TMED3: variants seen among roughly 807,000 people sequenced by gnomAD.
The protein encoded by TMED3 is transmembrane emp24 domain-containing protein 3.
TMED3 carries 9 observed loss-of-function variants against 15.0 expected under a neutral mutation model. That is an observed-to-expected ratio of 0.60 (90% CI 0.36 to 1.04). The LOEUF (loss-of-function observed/expected upper bound fraction) is 1.04, where lower values mean the gene tolerates loss of function less well. Ranked by LOEUF, TMED3 falls within the 50% of genes least tolerant of loss-of-function variation. The pLI is 0.01. For missense variants in TMED3, 267 were observed against 278.9 expected (o/e 0.96, Z 0.30); for synonymous variants, 117 against 121.4 (o/e 0.96, Z 0.24).
chr15:79,330,637 C>G (rs2058804827), intron 2 of TMED3, among the ~76,000 whole-genome samples: 1 of 152,092 alleles, frequency 6.6e-6, no homozygotes, highest in Non-Finnish European at 1.5e-5. Flanking sequence ...AAGGCAATCC[C>G]CATCAAAATA....
At chr15:79,407,833 T>C (rs1400185850) in intron 2 of TMED3, among the ~76,000 whole-genome samples, 1 of 152,166 alleles carries the variant, frequency 6.6e-6, no homozygotes, top group African/African-American at 2.4e-5. Flanking sequence ...TAGTGGTCCA[T>C]TGAGGATTTA....
chr15:79,357,301 A>T (rs2058922999), intron 2 of TMED3, among the ~76,000 whole-genome samples: 1 of 151,480 alleles, frequency 6.6e-6, no homozygotes. Flanking sequence ...CCTGGGCCAC[A>T]TAGTGAGACT....
chr15:79,349,065 T>C (rs2058881750), intron 2 of TMED3, among the ~76,000 whole-genome samples: 1 of 152,172 alleles, frequency 6.6e-6, no homozygotes, highest in South Asian at 2.1e-4. Flanking sequence ...CTCGAACTCC[T>C]GGGCTCAAGT....
intron 2 of TMED3, among the ~76,000 whole-genome samples, chr15:79,364,382 T>C (rs954132970): frequency 6.6e-6 from 1 of 152,032 alleles, no homozygotes; most frequent in East Asian, 1.9e-4. Context: ...GGGGGCTCTT[T>C]CTTTACTGTC....
intron 2 of TMED3, among the ~76,000 whole-genome samples, chr15:79,359,195 A>T (rs1893075412): frequency 6.6e-6 from 1 of 150,672 alleles, no homozygotes; most frequent in South Asian, 2.1e-4. Context: ...TGCATACCAG[A>T]GGAGAGGTAC....
intron 2 of TMED3, among the ~76,000 whole-genome samples, chr15:79,331,976 C>A (rs1284590103): frequency 6.6e-6 from 1 of 152,130 alleles, no homozygotes; most frequent in Non-Finnish European, 1.5e-5. Context: ...TTGCTTGAAC[C>A]TGGGAGACGG....
intron 2 of TMED3, among the ~76,000 whole-genome samples, chr15:79,344,335 A>G (rs1472831120): frequency 6.6e-6 from 1 of 152,246 alleles, no homozygotes; most frequent in Non-Finnish European, 1.5e-5. Flanking sequence ...TTAAAACAAC[A>G]TAATTTTTTC....
At chr15:79,357,502 A>G (rs1447746959) in intron 2 of TMED3, among the ~76,000 whole-genome samples, 1 of 148,670 alleles carries the variant, frequency 6.7e-6, no homozygotes, top group Admixed American at 6.7e-5. Flanking sequence ...ACATTATTAC[A>G]TTATTAATTT....
intron 2 of TMED3, among the ~76,000 whole-genome samples, chr15:79,355,484 AG>A (rs2058915372): frequency 6.6e-6 from 1 of 152,204 alleles, no homozygotes; most frequent in African/African-American, 2.4e-5. Flanking sequence ...GAAGACTTCC[AG>A]AGTCTCAGAA....
intron 2 of TMED3, among the ~76,000 whole-genome samples, chr15:79,331,452 T>C (rs944773672): frequency 1.4e-5 from 2 of 146,626 alleles, no homozygotes; most frequent in African/African-American, 5.1e-5. Context: ...ATGTTAAAAC[T>C]ATTAGAAGAA....
chr15:79,314,447 A>G (rs1349627119), intron 2 of TMED3: 3 of 426,444 alleles, frequency 7.0e-6, no homozygotes, highest in South Asian at 4.9e-5. Flanking sequence ...ATTCTCATGC[A>G]TAATCTAGAA....
At chr15:79,350,346 G>C (rs1460278217) in intron 2 of TMED3, among the ~76,000 whole-genome samples, 2 of 152,144 alleles carry the variant, frequency 1.3e-5, no homozygotes, top group Non-Finnish European at 2.9e-5. Flanking sequence ...CCGTCTGCAA[G>C]CTGAGGAACA....
At chr15:79,397,570 A>G (rs191015060) in intron 2 of TMED3, among the ~76,000 whole-genome samples, 1 of 152,346 alleles carries the variant, frequency 6.6e-6, no homozygotes, top group East Asian at 1.9e-4. Context: ...TGTCTGTTTC[A>G]TGAAGGGTAG....
intron 2 of TMED3, among the ~76,000 whole-genome samples, chr15:79,366,303 C>G (rs1374286789): frequency 6.6e-6 from 1 of 152,248 alleles, no homozygotes; most frequent in East Asian, 1.9e-4. Context: ...GTCAGCTGCT[C>G]TCTTGCTGAT....
intron 2 of TMED3, among the ~76,000 whole-genome samples, chr15:79,349,033 T>C (rs2058881633): frequency 6.6e-6 from 1 of 152,122 alleles, no homozygotes; most frequent in African/African-American, 2.4e-5. Flanking sequence ...AGACAGGGTC[T>C]CCCTATATTG....
At chr15:79,404,682 A>G (rs1193375316) in intron 2 of TMED3, among the ~76,000 whole-genome samples, 3 of 152,156 alleles carry the variant, frequency 2.0e-5, no homozygotes, top group African/African-American at 7.2e-5. Flanking sequence ...AATCAGCCAA[A>G]ACATTTGCCG....
At chr15:79,342,161 A>C (rs141072287) in intron 2 of TMED3, among the ~76,000 whole-genome samples, 9 of 152,356 alleles carry the variant, frequency 5.9e-5, no homozygotes, top group African/African-American at 2.2e-4. Flanking sequence ...AGCAATAAAG[A>C]TAGGATAAAA....
intron 2 of TMED3, among the ~76,000 whole-genome samples, chr15:79,406,534 A>G (rs1301284335): frequency 6.6e-6 from 1 of 152,210 alleles, no homozygotes; most frequent in Non-Finnish European, 1.5e-5. Flanking sequence ...GAGTGCACAC[A>G]TACAATTATT....
At chr15:79,383,577 T>C (rs543539218) in intron 2 of TMED3, 1 of 153,038 alleles carries the variant, frequency 6.5e-6, no homozygotes, top group Non-Finnish European at 1.5e-5. Context: ...ACTGCACTTA[T>C]CTCTCCCCGC....
Sources: gnomAD v4.1 joint callset for allele counts (sites outside exome capture counted in the v4.1 genomes callset) on GRCh38, gnomAD v4.1.1 for gene constraint, MANE v1.5 for transcripts, NCBI Gene and HGNC (gene_info 2026-07-23, HGNC 2026-07-21) for gene names.